ACER3: variants seen among roughly 807,000 people sequenced by gnomAD.
ACER3 encodes alkaline ceramidase 3, also known as alkCDase 3.
A neutral mutation model predicts 48.9 loss-of-function variants in ACER3; 16 were observed. The observed-to-expected ratio is 0.33, with a 90% CI of 0.22 to 0.50. ACER3 has a LOEUF of 0.50. Among genes scored for constraint, ACER3 ranks in the 20% least tolerant of loss-of-function variants. The pLI is 0.98. For synonymous variants in ACER3, 109 were observed against 107.8 expected, an observed-to-expected ratio of 1.01 and a Z score of -0.07; for missense variants, 227 against 326.0, an observed-to-expected ratio of 0.70 and a Z score of 2.34.
intron 1 of ACER3, among the ~76,000 whole-genome samples, chr11:76,889,667 C>G (rs967254812): frequency 3.3e-5 from 5 of 152,162 alleles, no homozygotes; most frequent in Non-Finnish European, 7.4e-5. Context: ...TATTCCTGAA[C>G]ACAGAATGCA....
At position 76,965,221 on chromosome 11, in the gene ACER3, C is replaced by T. The variant is rs549780050; in HGVS notation, c.267+6190C>T. ...AAGAAAGGCTATCAGTGATGGAAGA[C>T]GAAATGAATGAAATGAAGCCAGAAG... On this transcript the variant is annotated intron_variant, in intron 3 of 10. Coordinates refer to ENST00000532485, the MANE Select transcript of ACER3 (RefSeq NM_018367.7). Among the ~76,000 whole-genome samples the T allele has an allele frequency of 8.6e-5, 13 of 150,938 alleles. 1 individual carries two copies. In the South Asian group the frequency reaches 1.5e-3, roughly 17 times the overall value.
At chr11:76,904,837 A>ATGTG (rs890573235) in intron 1 of ACER3, among the ~76,000 whole-genome samples, 1 of 135,434 alleles carries the variant, frequency 7.4e-6, no homozygotes, top group African/African-American at 3.4e-5. Flanking sequence ...TCTTTTCTCT[A>ATGTG]TGTATGTGTG....
At chr11:76,928,068 G>C (rs1220787909) in intron 2 of ACER3, among the ~76,000 whole-genome samples, 1 of 152,054 alleles carries the variant, frequency 6.6e-6, no homozygotes, top group African/African-American at 2.4e-5. Flanking sequence ...CTAGTTTACA[G>C]TCCCACCGAC....
chr11:76,889,301 A>G (rs577513419), intron 1 of ACER3, among the ~76,000 whole-genome samples: 1 of 152,166 alleles, frequency 6.6e-6, no homozygotes, highest in South Asian at 2.1e-4. Context: ...CCTTTTAAGA[A>G]GTACTTTGAG....
At chr11:76,890,146 G>A (rs1251136449) in intron 1 of ACER3, among the ~76,000 whole-genome samples, 2 of 152,140 alleles carry the variant, frequency 1.3e-5, no homozygotes, top group Non-Finnish European at 2.9e-5. Context: ...GAGGGCCCCT[G>A]TGGTTTTGTT....
chr11:77,012,108 A>G (rs1949276935), intron 7 of ACER3, among the ~76,000 whole-genome samples: 1 of 152,092 alleles, frequency 6.6e-6, no homozygotes, highest in South Asian at 2.1e-4. Context: ...AGAAAATATC[A>G]CAGGACATGT....
intron 7 of ACER3, chr11:77,011,230 T>G: frequency 1.9e-6 from 1 of 536,264 alleles, no homozygotes; most frequent in Non-Finnish European, 2.4e-6. Context: ...ATATGAGTAG[T>G]AAGTCCCCTT....
chr11:76,938,025 G>A (rs1947241982), intron 2 of ACER3, among the ~76,000 whole-genome samples: 1 of 152,052 alleles, frequency 6.6e-6, no homozygotes, highest in African/African-American at 2.4e-5. Flanking sequence ...TGTCGTGGTT[G>A]TTGTTTTGAG....
intron 4 of ACER3, among the ~76,000 whole-genome samples, chr11:76,979,696 T>C (rs1948537298): frequency 6.6e-6 from 1 of 152,084 alleles, no homozygotes; most frequent in Non-Finnish European, 1.5e-5. Context: ...AAACTTTTTC[T>C]GTAAAGGGCC....
chr11:76,983,214 G>A (rs554850461), intron 4 of ACER3, among the ~76,000 whole-genome samples: 7 of 152,090 alleles, frequency 4.6e-5, no homozygotes, highest in African/African-American at 1.4e-4. Context: ...CCATGAATGT[G>A]GTTCTTTAAT....
intron 1 of ACER3, among the ~76,000 whole-genome samples, chr11:76,918,697 C>T (rs1203430878): frequency 1.3e-5 from 2 of 151,808 alleles, no homozygotes; most frequent in East Asian, 3.9e-4. Flanking sequence ...GTTATTTGGT[C>T]ATATTTATTA....
chr11:76,883,242 A>G (rs539380787), intron 1 of ACER3, among the ~76,000 whole-genome samples: 52 of 151,996 alleles, frequency 3.4e-4, no homozygotes, highest in Admixed American at 1.6e-3. Context: ...TCTGAGGGGG[A>G]ATTAGCTATT....
At chr11:76,874,411 A>AAC (rs901556870) in intron 1 of ACER3, among the ~76,000 whole-genome samples, 9 of 151,794 alleles carry the variant, frequency 5.9e-5, no homozygotes, top group Non-Finnish European at 1.0e-4. Context: ...GTTAAAAAAA[A>AAC]AAAACAAAAC....
intron 7 of ACER3, among the ~76,000 whole-genome samples, chr11:77,006,280 C>T (rs1029838951): frequency 7.2e-5 from 11 of 151,818 alleles, no homozygotes; most frequent in East Asian, 1.9e-4. Context: ...TGAGCCACCG[C>T]GCCTGGCTGT....
At position 76,996,423 on chromosome 11, in the gene ACER3, A is replaced by T. The variant is rs199527551; in HGVS notation, c.439-2340A>T. Among the ~76,000 whole-genome samples the T allele has an allele frequency of 8.7e-3, 687 of 79,248 alleles. 3 individuals carry two copies. The highest frequency in any genetic ancestry group is 0.021 in the Non-Finnish European group (560 of 27,134). The allele number at this position is 79,248 out of a possible 152,430, so 52.0% of individuals were successfully genotyped here. A position where few individuals can be genotyped will look rare whatever the true frequency, so the allele number is the denominator to read the frequency against. Reference sequence around the variant, plus strand: ...CATTATTATTATTATTATTATTATTATTATTATTTTTTGAGACAGAGTCTT... The same window carrying T: ...CATTATTATTATTATTATTATTATTTTTATTATTTTTTGAGACAGAGTCTT... On this transcript the variant is annotated intron_variant, in intron 6 of 10. Transcript: ENST00000532485.
chr11:76,990,488 C>A, intron 5 of ACER3, 51 bp from the exon 6 acceptor site: 1 of 1,264,406 alleles, frequency 7.9e-7, no homozygotes, highest in South Asian at 1.2e-5. Flanking sequence ...TCGGTTTTTC[C>A]CCCCTTCATA....
chr11:76,910,894 CT>C (rs907116269), intron 1 of ACER3, among the ~76,000 whole-genome samples: 75 of 152,268 alleles, frequency 4.9e-4, no homozygotes, highest in African/African-American at 1.5e-3. Context: ...GAACATTATG[CT>C]GCCATCGAAA....
chr11:76,917,645 C>G (rs975900862), intron 1 of ACER3, among the ~76,000 whole-genome samples: 14 of 151,980 alleles, frequency 9.2e-5, no homozygotes, highest in Admixed American at 2.0e-4. Flanking sequence ...TTGCTTGAGT[C>G]AAGTAGTTCA....
chr11:76,952,165 CACAT>C (rs1947689347), intron 2 of ACER3, among the ~76,000 whole-genome samples: 1 of 150,658 alleles, frequency 6.6e-6, no homozygotes, highest in Non-Finnish European at 1.5e-5. Flanking sequence ...CACACACACA[CACAT>C]ATAAATATGA....
Sources: allele counts gnomAD v4.1 joint callset (sites outside exome capture counted in the v4.1 genomes callset), GRCh38; gene constraint gnomAD v4.1.1; transcripts MANE v1.5; gene names NCBI Gene and HGNC (gene_info 2026-07-23, HGNC 2026-07-21).